The following HDAC9 variants were observed in gnomAD, a reference collection of about 807,000 sequenced individuals.
HDAC9 encodes the protein MEF-2 interacting transcription repressor (MITR) protein.
Under a neutral mutation model 139.4 loss-of-function variants are expected in HDAC9, and 41 were observed. That is an observed-to-expected ratio of 0.29 (90% CI 0.23 to 0.38). The LOEUF (loss-of-function observed/expected upper bound fraction) is 0.38. Ranked by LOEUF, HDAC9 falls within the 10% of genes least tolerant of loss-of-function variation. The pLI is 1.00. For missense variants in HDAC9, 1,147 were observed against 1,297.0 expected, an observed-to-expected ratio of 0.88 and a Z score of 1.78; for synonymous variants, 517 against 476.2, an observed-to-expected ratio of 1.09 and a Z score of -1.12.
At chr7:18,262,699 T>G (rs1256886918) in intron 2 of HDAC9, among the ~76,000 whole-genome samples, 2 of 152,172 alleles carry the variant, frequency 1.3e-5, no homozygotes, top group Non-Finnish European at 2.9e-5. Context: ...TATTCAGAAG[T>G]AATTTGTGTA....
At chr7:18,529,236 A>T (rs1226028988) in intron 2 of HDAC9, among the ~76,000 whole-genome samples, 1 of 152,200 alleles carries the variant, frequency 6.6e-6, no homozygotes, top group African/African-American at 2.4e-5. Flanking sequence ...TAACCTTCCA[A>T]GGAAAGCTGC....
intron 2 of HDAC9, among the ~76,000 whole-genome samples, chr7:18,541,548 C>T (rs1177777364): frequency 6.6e-6 from 1 of 152,018 alleles, no homozygotes; most frequent in African/African-American, 2.4e-5. Context: ...CTAAAATATT[C>T]CATTCTGTGT....
At chr7:18,398,482 G>T (rs913573429) in intron 1 of HDAC9, among the ~76,000 whole-genome samples, 2 of 151,880 alleles carry the variant, frequency 1.3e-5, no homozygotes, top group Non-Finnish European at 2.9e-5. Flanking sequence ...TTTTGTTTTT[G>T]TTTCTTTTTG....
chr7:18,229,422 A>G (rs1793294621), intron 2 of HDAC9, among the ~76,000 whole-genome samples: 4 of 152,202 alleles, frequency 2.6e-5, no homozygotes, highest in Admixed American at 6.5e-5. Flanking sequence ...GAGTGCAGGG[A>G]TGCTGGAGTC....
chr7:18,936,137 G>T (rs1038129967), intron 23 of HDAC9, among the ~76,000 whole-genome samples, 195 bp downstream of exon 23: 3 of 152,128 alleles, frequency 2.0e-5, no homozygotes, highest in African/African-American at 7.2e-5. Context: ...AATCCACATA[G>T]CACTCACTCC....
At chr7:18,510,779 T>C (rs1381573747) in intron 2 of HDAC9, among the ~76,000 whole-genome samples, 1 of 152,140 alleles carries the variant, frequency 6.6e-6, no homozygotes, top group African/African-American at 2.4e-5. Context: ...ATAGATGGAA[T>C]GGGTGAATCA....
chr7:18,736,593 C>T (rs560735009), intron 13 of HDAC9, among the ~76,000 whole-genome samples: 3 of 152,246 alleles, frequency 2.0e-5, no homozygotes, highest in South Asian at 2.1e-4. Flanking sequence ...CTGACTTGAT[C>T]GTGGTGGATA....
In HDAC9 at chr7:18,590,374, ACTC is replaced by A. The variant is rs1830605949; in HGVS notation, c.306_308del (p.Leu103del). The A allele has an allele frequency of 6.2e-7, 1 of 1,612,036 alleles. No homozygotes were observed. Among genetic ancestry groups the A allele is most frequent in the African/African-American group, 1.3e-5 (1 of 74,976 alleles). ...TTCTAGCCATAAAACAGCAACAAGAACTCCTAGAAAAGGAGCAGAAACTGGAGC... is the reference window on the plus strand; with the variant it reads ...TTCTAGCCATAAAACAGCAACAAGAACTAGAAAAGGAGCAGAAACTGGAGC... On this transcript the variant is annotated inframe_deletion, in exon 4 of 26. Coordinates refer to ENST00000686413, the MANE Select transcript of HDAC9 (RefSeq NM_178425.4).
At chr7:18,658,173 G>A (rs10260390) in intron 11 of HDAC9, among the ~76,000 whole-genome samples, 3 of 151,994 alleles carry the variant, frequency 2.0e-5, no homozygotes, top group Non-Finnish European at 2.9e-5. Context: ...CTATCACTTC[G>A]AGTTTCATTT....
chr7:18,435,087 A>G (rs989645652), intron 1 of HDAC9, among the ~76,000 whole-genome samples: 7 of 150,828 alleles, frequency 4.6e-5, no homozygotes, highest in African/African-American at 1.7e-4. Context: ...AAAAAGAACA[A>G]GATCATGTCT....
chr7:18,782,219 A>T (rs547514839), intron 16 of HDAC9, among the ~76,000 whole-genome samples: 15 of 152,212 alleles, frequency 9.9e-5, no homozygotes, highest in East Asian at 7.7e-4. Context: ...TGTTCAAGGC[A>T]TCTGAGGAAG....
chr7:18,710,651 C>T (rs772973952), intron 12 of HDAC9, among the ~76,000 whole-genome samples: 3 of 152,092 alleles, frequency 2.0e-5, no homozygotes, highest in Admixed American at 6.5e-5. Context: ...TAATGGTATC[C>T]GTTCATCTAA....
At position 18,411,549 on chromosome 7, in the gene HDAC9, G is replaced by T. The variant is rs146348114; in HGVS notation, c.-41-84713G>T. Among the ~76,000 whole-genome samples, 1,384 of 151,958 alleles carry T rather than the reference G, an allele frequency of 9.1e-3. 18 individuals carry two copies. The highest frequency in any genetic ancestry group is 0.03 in the African/African-American group (1,264 of 41,472). Reference sequence around the variant, plus strand: ...ACCATCACACCTGGCTAATTTTTTTGTATTTTTAGTAGAGGTGGGGTTTCA... The same window carrying T: ...ACCATCACACCTGGCTAATTTTTTTTTATTTTTAGTAGAGGTGGGGTTTCA... On this transcript the variant is annotated intron_variant, in intron 1 of 3. Transcript: ENST00000413509.
At chr7:18,776,163 A>T in intron 16 of HDAC9, among the ~76,000 whole-genome samples, 1 of 151,996 alleles carries the variant, frequency 6.6e-6, no homozygotes, top group East Asian at 1.9e-4. Flanking sequence ...GGCTAGTCTC[A>T]AACTCCCTGC....
At chr7:18,758,840 A>G (rs1213926138) in intron 14 of HDAC9, among the ~76,000 whole-genome samples, 1 of 151,822 alleles carries the variant, frequency 6.6e-6, no homozygotes, top group Non-Finnish European at 1.5e-5. Flanking sequence ...CTTTCTGTAG[A>G]AACATGTGCA....
chr7:18,444,830 GACCATTACCATCAAGT>G (rs1343413661), intron 1 of HDAC9, among the ~76,000 whole-genome samples: 2 of 152,104 alleles, frequency 1.3e-5, no homozygotes, highest in East Asian at 1.9e-4. Context: ...GCCTGTTCTT[GACCATTACCATCAAGT>G]ACCATTACCA....
At chr7:18,543,080 G>T (rs912563202) in intron 2 of HDAC9, 1 of 152,080 alleles carries the variant, frequency 6.6e-6, no homozygotes, top group Non-Finnish European at 1.5e-5. Context: ...ATATTTAAGT[G>T]TGCATTATCA....
chr7:18,560,740 C>T (rs1007326407), intron 2 of HDAC9, among the ~76,000 whole-genome samples: 1 of 151,998 alleles, frequency 6.6e-6, no homozygotes, highest in Admixed American at 6.6e-5. Context: ...ATAGAGGGAA[C>T]GTGGACAGAG....
chr7:18,709,727 T>C (rs1784208440), intron 12 of HDAC9, among the ~76,000 whole-genome samples: 1 of 152,186 alleles, frequency 6.6e-6, no homozygotes, highest in African/African-American at 2.4e-5. Flanking sequence ...TAAGGGATTA[T>C]CATATAATAA....
Sources: gnomAD v4.1 joint callset for allele counts (sites outside exome capture counted in the v4.1 genomes callset) on GRCh38, gnomAD v4.1.1 for gene constraint, MANE v1.5 for transcripts, NCBI Gene and HGNC (gene_info 2026-07-23, HGNC 2026-07-21) for gene names.